The following HERPUD2 variants were observed in gnomAD, a reference collection of about 807,000 sequenced individuals.
HERPUD2 encodes HERPUD family member 2, also known as homocysteine-responsive endoplasmic reticulum-resident ubiquitin-like domain member 2 protein.
HERPUD2 carries 13 observed loss-of-function variants against 49.9 expected under a neutral mutation model. The ratio of observed to expected loss-of-function variants is 0.26; its 90% CI spans 0.17 to 0.41. HERPUD2 has a LOEUF of 0.41. HERPUD2 is among the 10% of genes least tolerant of loss of function. The probability of loss-of-function intolerance (pLI) is 1.00; values close to 1 mark genes in which losing one functional copy is unlikely to be tolerated. For missense variants in HERPUD2, 449 were observed against 492.2 expected (o/e 0.91, Z 0.83); for synonymous variants, 172 against 171.4 (o/e 1.00, Z -0.03).
chr7:35,642,243 T>C (rs1784977807), intron 5 of HERPUD2, among the ~76,000 whole-genome samples: 1 of 151,742 alleles, frequency 6.6e-6, no homozygotes, highest in Admixed American at 6.6e-5. Flanking sequence ...GAAATGCAAA[T>C]CAAAACCATA....
chr7:35,677,771 GA>G (rs919710831), intron 2 of HERPUD2, among the ~76,000 whole-genome samples: 1 of 152,318 alleles, frequency 6.6e-6, no homozygotes, highest in Non-Finnish European at 1.5e-5. Flanking sequence ...ATGCAAGAGA[GA>G]AAAACAATTT....
intron 5 of HERPUD2, among the ~76,000 whole-genome samples, chr7:35,645,235 C>A (rs146446859): frequency 1.2e-3 from 181 of 152,150 alleles, no homozygotes; most frequent in African/African-American, 4.2e-3. Context: ...CCTAAATATC[C>A]ATCAGCAGGG....
At chr7:35,680,808 T>C (rs868128276) in intron 2 of HERPUD2, among the ~76,000 whole-genome samples, 5 of 152,244 alleles carry the variant, frequency 3.3e-5, no homozygotes, top group African/African-American at 9.6e-5. Context: ...CCTGTAATTA[T>C]GTCAACATGT....
At chr7:35,652,435 A>C (rs1463933544) in intron 5 of HERPUD2, among the ~76,000 whole-genome samples, 1 of 152,188 alleles carries the variant, frequency 6.6e-6, no homozygotes, top group African/African-American at 2.4e-5. Context: ...AAACTGTCAA[A>C]GGCAAAGAGA....
intron 5 of HERPUD2, among the ~76,000 whole-genome samples, chr7:35,666,015 TC>T (rs1236587944): frequency 4.6e-5 from 7 of 152,178 alleles, no homozygotes; most frequent in Admixed American, 4.6e-4. Context: ...TTTATAATAC[TC>T]CCACCTTCCA....
chr7:35,660,705 G>T (rs569219668), intron 5 of HERPUD2, among the ~76,000 whole-genome samples: 1 of 152,202 alleles, frequency 6.6e-6, no homozygotes, highest in Admixed American at 6.5e-5. Flanking sequence ...CATATACTTT[G>T]CCCACTTGTT....
chr7:35,684,696 G>A (rs1785995463), intron 2 of HERPUD2, among the ~76,000 whole-genome samples: 1 of 152,140 alleles, frequency 6.6e-6, no homozygotes, highest in Admixed American at 6.5e-5. Context: ...TTAAAGCTAT[G>A]AGGATACAAA....
chr7:35,666,165 C>T (rs924537737), intron 5 of HERPUD2, among the ~76,000 whole-genome samples: 1 of 152,152 alleles, frequency 6.6e-6, no homozygotes, highest in Non-Finnish European at 1.5e-5. Context: ...ACCCTGAGAA[C>T]ACTGCTTTTT....
chr7:35,660,124 G>A (rs564856757), intron 5 of HERPUD2, among the ~76,000 whole-genome samples: 12 of 152,228 alleles, frequency 7.9e-5, no homozygotes, highest in East Asian at 5.8e-4. Context: ...GAGAACATAC[G>A]GTGTTTTGTT....
intron 5 of HERPUD2, among the ~76,000 whole-genome samples, chr7:35,643,172 G>A (rs1784994936): frequency 6.6e-6 from 1 of 152,096 alleles, no homozygotes; most frequent in South Asian, 2.1e-4. Flanking sequence ...AAAAATAGAG[G>A]ATGTTATCAT....
At chr7:35,655,601 C>A (rs1222677937) in intron 5 of HERPUD2, among the ~76,000 whole-genome samples, 1 of 152,092 alleles carries the variant, frequency 6.6e-6, no homozygotes, top group Non-Finnish European at 1.5e-5. Context: ...GTAAGTAAAT[C>A]TGAAAGCCTT....
intron 5 of HERPUD2, among the ~76,000 whole-genome samples, chr7:35,666,185 T>A: frequency 6.6e-6 from 1 of 152,216 alleles, no homozygotes. Context: ...TACAAGTAAA[T>A]CTTGGTTTAT....
intron 2 of HERPUD2, among the ~76,000 whole-genome samples, chr7:35,684,935 A>G (rs533037848): frequency 6.6e-6 from 1 of 152,298 alleles, no homozygotes; most frequent in African/African-American, 2.4e-5. Flanking sequence ...CTATATTTTT[A>G]CAGTAATTGA....
In HERPUD2 at chr7:35,654,673, C is replaced by CT. The variant is rs539830449; in HGVS notation, c.494+12760dup. On this transcript the variant is annotated intron_variant, in intron 5 of 8. Transcript: ENST00000311350. ...GCTTCGCTGCCAAATTTGACCAAAA[C>CT]TTTTTTTTTTTTTTTTTTTAAAGAC... Among the ~76,000 whole-genome samples the CT allele has an allele frequency of 1.6e-3, 213 of 129,890 alleles. 2 individuals carry two copies. Among genetic ancestry groups the CT allele is most frequent in the Middle Eastern group, 3.9e-3 (1 of 254 alleles). 85.2% of individuals were successfully genotyped at this position (129,890 alleles called of 152,430 possible).
At chr7:35,664,121 T>C (rs1169390824) in intron 5 of HERPUD2, among the ~76,000 whole-genome samples, 1 of 152,194 alleles carries the variant, frequency 6.6e-6, no homozygotes, top group Non-Finnish European at 1.5e-5. Context: ...TTTGTTTGTC[T>C]GTAAAGGATT....
intron 2 of HERPUD2, among the ~76,000 whole-genome samples, chr7:35,680,667 G>A (rs1785863640): frequency 6.6e-6 from 1 of 152,158 alleles, no homozygotes; most frequent in Non-Finnish European, 1.5e-5. Context: ...TTGCATACCT[G>A]ACTCTTAATC....
intron 2 of HERPUD2, among the ~76,000 whole-genome samples, chr7:35,675,039 G>T (rs1338870694): frequency 6.6e-6 from 1 of 152,132 alleles, no homozygotes; most frequent in Non-Finnish European, 1.5e-5. Context: ...TAACCAGTTG[G>T]TCAAAAACAC....
intron 5 of HERPUD2, among the ~76,000 whole-genome samples, chr7:35,666,472 C>T (rs538906008): frequency 1.3e-5 from 2 of 152,346 alleles, no homozygotes; most frequent in Non-Finnish European, 2.9e-5. Context: ...ACACCACCTA[C>T]ATTACAATTC....
At chr7:35,648,688 C>T (rs1162050745) in intron 5 of HERPUD2, among the ~76,000 whole-genome samples, 1 of 152,164 alleles carries the variant, frequency 6.6e-6, no homozygotes, top group Admixed American at 6.6e-5. Context: ...CTCTTGTCTT[C>T]CTGTCATTTG....
Sources: gnomAD v4.1 joint callset for allele counts (sites outside exome capture counted in the v4.1 genomes callset) on GRCh38, gnomAD v4.1.1 for gene constraint, MANE v1.5 for transcripts, NCBI Gene and HGNC (gene_info 2026-07-23, HGNC 2026-07-21) for gene names.